The following PHF13 variants were observed in gnomAD, a reference collection of about 807,000 sequenced individuals.
PHF13 encodes PHD zinc finger protein PHF5.
PHF13 carries 1 observed loss-of-function variant against 25.8 expected under a neutral mutation model. The observed-to-expected ratio is 0.04, with a 90% CI of 0.01 to 0.18. The LOEUF is 0.18. Among genes scored for constraint, PHF13 ranks in the 10% least tolerant of loss-of-function variants. The pLI is 1.00. For synonymous variants in PHF13, 195 were observed against 162.4 expected (o/e 1.20, Z -1.53); for missense variants, 306 against 403.2 (o/e 0.76, Z 2.06).
chr1:6,619,894 C>T lies in PHF13; in HGVS notation c.233C>T (p.Ala78Val), dbSNP rs114858108. Residue 78 changes from alanine (A) to valine (V), a missense_variant, in exon 3 of 4, where the codon GCG becomes GTG. Transcript: ENST00000377648. The stretch of plus-strand genomic sequence containing the variant: ...TGGGACGCGGGTTTCTCAGACATCG[C>T]GTCCTCAGTGCCCTTGCCAGTCTCT... ...DGWDAGFSDI[A>V]SSVPLPVSDR... 8.4e-5 allele frequency: 135 copies of T among 1,613,954 alleles called. No individual in the cohort carries two copies. The highest frequency in any genetic ancestry group is 1.1e-4 in the Non-Finnish European group (129 of 1,180,038).
Position 6,621,853 on chromosome 1 carries a change from G to A in PHF13, c.*216G>A, listed in dbSNP as rs986110240. ...CAGCCAGAGCTGCTGCCAGAGCTGC[G>A]TTCCCTGCAGTGGAGGTGGACTGGA... On this transcript the variant is annotated 3_prime_UTR_variant, in exon 4 of 4. Transcript: ENST00000377648. The surrounding 1 kb of genome is among the most constrained non-coding windows in gnomAD (Gnocchi z 4.8). 55 of 596,784 alleles carry A rather than the reference G, an allele frequency of 9.2e-5. No homozygotes were observed. Among genetic ancestry groups the A allele is most frequent in the African/African-American group, 3.7e-5 (2 of 53,816 alleles). The allele number at this position is 596,784 out of a possible 1,614,324, so 37.0% of individuals were successfully genotyped here. A position where few individuals can be genotyped will look rare whatever the true frequency, so the allele number is the denominator to read the frequency against.
At position 6,621,430 on chromosome 1, in the gene PHF13, C is replaced by G. The variant is rs755788142; in HGVS notation, c.696C>G (p.Leu232=). 4.3e-6 allele frequency: 7 copies of G among 1,613,958 alleles called. No individual in the cohort carries two copies. The highest frequency in any genetic ancestry group is 2.7e-5 in the African/African-American group (2 of 74,890). ...TTCCAGATGACGATTCCTGGGACCTCGTGACCTGCTTCTGCATGAAGCCAT... is the reference window on the plus strand; with the variant it reads ...TTCCAGATGACGATTCCTGGGACCTGGTGACCTGCTTCTGCATGAAGCCAT... ...MVDSDDDSWD[L]VTCFCMKPFA... The change falls in exon 4 of 4, where the codon CTC becomes CTG. Residue 232 remains leucine (L), a synonymous_variant. Coordinates refer to ENST00000377648, the MANE Select transcript of PHF13 (RefSeq NM_153812.3). The surrounding 1 kb of genome is among the most constrained non-coding windows in gnomAD (Gnocchi z 4.8).
At chr1:6,615,707 A>G (rs1488424766) in intron 1 of PHF13, among the ~76,000 whole-genome samples, 1 of 152,224 alleles carries the variant, frequency 6.6e-6, no homozygotes, top group Non-Finnish European at 1.5e-5. Context: ...TTAGGAGCAA[A>G]TAAGAGCTCC....
Position 6,616,025 on chromosome 1 carries a change from A to ATTTTTT in PHF13, c.40-716_40-711dup, listed in dbSNP as rs5772244. ...GAGAGCTCTGGAGAATGAGTGGTTGATTTTTTTTTTTTTTTTTTTTTGAGT... is the reference window on the plus strand; with the variant it reads ...GAGAGCTCTGGAGAATGAGTGGTTGATTTTTTTTTTTTTTTTTTTTTTTTTTTGAGT... On this transcript the variant is annotated intron_variant, in intron 1 of 3. Transcript: ENST00000377648. Among the ~76,000 whole-genome samples, 195 of 91,748 alleles carry ATTTTTT rather than the reference A, an allele frequency of 2.1e-3. 2 individuals carry two copies. The highest frequency in any genetic ancestry group is 2.9e-3 in the Non-Finnish European group (145 of 49,328). The allele number at this position is 91,748 out of a possible 152,430, so 60.2% of individuals were successfully genotyped here.
Position 6,616,849 on chromosome 1 carries a change from T to C in PHF13, c.132T>C (p.Tyr44=). Residue 44 remains tyrosine (Y), a synonymous_variant, in exon 2 of 4, where the codon TAT becomes TAC. Coordinates refer to ENST00000377648, the MANE Select transcript of PHF13 (RefSeq NM_153812.3). ...FVLAYAGYIP[Y]PKEELPLRSS... is the part of the protein sequence containing the mutation. Reference sequence around the variant, plus strand: ...TGGCCTATGCTGGCTACATCCCTTATCCGAAGGAGGTAATCTTCTGAGTTT... The same window carrying C: ...TGGCCTATGCTGGCTACATCCCTTACCCGAAGGAGGTAATCTTCTGAGTTT... 5.6e-6 allele frequency: 9 copies of C among 1,613,646 alleles called. No homozygotes were observed. The highest frequency in any genetic ancestry group is 7.6e-6 in the Non-Finnish European group (9 of 1,179,560).
chr1:6,619,381 C>T (rs1641305849), intron 2 of PHF13, among the ~76,000 whole-genome samples: 1 of 152,040 alleles, frequency 6.6e-6, no homozygotes, highest in South Asian at 2.1e-4. Context: ...ACAGAATCTC[C>T]CTCCCGTTAC....
chr1:6,620,801 C>T (rs568237306), intron 3 of PHF13, among the ~76,000 whole-genome samples: 8 of 151,588 alleles, frequency 5.3e-5, no homozygotes, highest in Non-Finnish European at 8.8e-5. Context: ...AGGCAGATCA[C>T]GAGGTCAGGA....
rs375859469 is a variant in PHF13 at position 6,619,950 on chromosome 1, C to T, written c.289C>T (p.Leu97Phe). The T allele has an allele frequency of 6.2e-7, 1 of 1,613,946 alleles. No homozygotes were observed. The highest frequency in any genetic ancestry group is 1.7e-5 in the Admixed American group (1 of 60,006). The change falls in exon 3 of 4, where the codon CTC becomes TTC. Residue 97 changes from leucine to phenylalanine, a missense_variant. This residue lies in a region of PHF13 where 186 missense variants were observed against 164.0 expected (regional missense o/e 1.13). Coordinates refer to ENST00000377648, the MANE Select transcript of PHF13 (RefSeq NM_153812.3). The part of the protein sequence containing the change: ...DRCFSHLQPT[L>F]LQRAKPSNFL... ...CTGCTTTAGCCACCTGCAGCCTACTCTCTTGCAGCGAGCCAAGCCCAGTAA... is the reference window on the plus strand; with the variant it reads ...CTGCTTTAGCCACCTGCAGCCTACTTTCTTGCAGCGAGCCAAGCCCAGTAA...
chr1:6,617,331 C>T (rs1391578794), intron 2 of PHF13, among the ~76,000 whole-genome samples: 1 of 152,126 alleles, frequency 6.6e-6, no homozygotes, highest in Non-Finnish European at 1.5e-5. Flanking sequence ...GGTGATTCAC[C>T]TGCCTCGGCC....
rs1362903548 is a variant in PHF13, at chr1:6,622,067, C to G, written c.*430C>G. The G allele has an allele frequency of 4.2e-6, 1 of 239,044 alleles. No homozygotes were observed. Among genetic ancestry groups the G allele is most frequent in the Non-Finnish European group, 8.4e-6 (1 of 118,476 alleles). The allele number at this position is 239,044 out of a possible 1,614,324, so 14.8% of individuals were successfully genotyped here. A position where few individuals can be genotyped will look rare whatever the true frequency, so the allele number is the denominator to read the frequency against. ...GAACAGCCATACGTGTAAGCTTTTT[C>G]TTGAGTGTTAAGTCTTTTACCAAAA... On this transcript the variant is annotated 3_prime_UTR_variant, in exon 4 of 4. Transcript: ENST00000377648.
chr1:6,614,296 G>GCCTCCGCGTCC (rs1457326864), intron 1 of PHF13, among the ~76,000 whole-genome samples, 191 bp downstream of exon 1: 3 of 132,238 alleles, frequency 2.3e-5, no homozygotes, highest in East Asian at 2.4e-4. Flanking sequence ...GCCGGGCCTC[G>GCCTCCGCGTCC]CCTCCGCGTC....
rs1054890974 is a variant in PHF13, at chr1:6,616,679, G to A, written c.40-78G>A. On this transcript the variant is annotated intron_variant, in intron 1 of 3. Coordinates refer to ENST00000377648, the MANE Select transcript of PHF13 (RefSeq NM_153812.3). ...TGAGTGATTGACTACAAAAGTTCCA[G>A]CTTACTTCCTTTTGTTTCTGTGATT... 14 of 1,249,026 alleles carry A rather than the reference G, an allele frequency of 1.1e-5. No homozygotes were observed. In the African/African-American group the frequency reaches 2.1e-4, roughly 19 times the overall value. 77.4% of individuals were successfully genotyped at this position (1,249,026 alleles called of 1,614,324 possible). A position where few individuals can be genotyped will look rare whatever the true frequency, so the allele number is the denominator to read the frequency against.
chr1:6,614,383 C>G (rs1225496632), intron 1 of PHF13: 1 of 444,550 alleles, frequency 2.2e-6, no homozygotes, highest in African/African-American at 2.1e-5. Flanking sequence ...CCGGGCCGCC[C>G]CTCTCCGGCC....
rs747391400 is a variant in PHF13, at chr1:6,619,834, C to G, written c.173C>G (p.Ala58Gly). Residue 58 changes from alanine (A) to glycine (G), a missense_variant, in exon 3 of 4, where the codon GCT becomes GGT. This residue lies in a region of PHF13 where 36 missense variants were observed against 76.0 expected (regional missense o/e 0.47). Coordinates refer to ENST00000377648, the MANE Select transcript of PHF13 (RefSeq NM_153812.3). ...CCTTTAAGGAGCAGCCCCAGCCCTG[C>G]TAACAGCACTGCTGGTACCATTGAC... Reference protein sequence around the residue: ...ELPLRSSPSPANSTAGTIDSD... With the variant: ...ELPLRSSPSPGNSTAGTIDSD... The G allele has an allele frequency of 3.1e-6, 5 of 1,611,398 alleles. No individual in the cohort carries two copies. Among genetic ancestry groups the G allele is most frequent in the Non-Finnish European group, 4.2e-6 (5 of 1,178,936 alleles).
chr1:6,619,593 C>T (rs1023040516), intron 2 of PHF13, among the ~76,000 whole-genome samples: 28 of 152,096 alleles, frequency 1.8e-4, no homozygotes, highest in Admixed American at 7.9e-4. Context: ...CCTGCCTTGG[C>T]GTCCCAGAGT....
intron 1 of PHF13, among the ~76,000 whole-genome samples, chr1:6,614,782 C>T (rs973560166): frequency 6.6e-6 from 1 of 151,430 alleles, no homozygotes; most frequent in Admixed American, 6.6e-5. Context: ...TGGCTCCGCC[C>T]CGGCTCACTC....
chr1:6,616,606 A>T, intron 1 of PHF13, 151 bp from the exon 2 acceptor site: 5 of 651,226 alleles, frequency 7.7e-6, no homozygotes, highest in Admixed American at 4.9e-5. Context: ...TCTTGACCTG[A>T]ACTTACCGTA....
chr1:6,615,751 T>A (rs1641252314), intron 1 of PHF13, among the ~76,000 whole-genome samples: 1 of 152,182 alleles, frequency 6.6e-6, no homozygotes, highest in Non-Finnish European at 1.5e-5. Context: ...GAAAATATCT[T>A]TTTGTGATGG....
chr1:6,621,826 G>C lies in PHF13; in HGVS notation c.*189G>C, dbSNP rs140327489. ...TAGCCGGTGACCGAATGCGACCTTT[G>C]CCAGCCAGAGCTGCTGCCAGAGCTG... On this transcript the variant is annotated 3_prime_UTR_variant, in exon 4 of 4. Transcript: ENST00000377648. The surrounding 1 kb of genome is among the most constrained non-coding windows in gnomAD (Gnocchi z 4.8). 1.3e-3 allele frequency: 813 copies of C among 632,922 alleles called. 3 individuals carry two copies. The African/African-American group carries it at 0.013, about 10-fold the overall frequency. The allele number at this position is 632,922 out of a possible 1,614,324, so 39.2% of individuals were successfully genotyped here.
Sources: gnomAD v4.1 joint callset for allele counts (sites outside exome capture counted in the v4.1 genomes callset) on GRCh38, gnomAD v4.1.1 for gene constraint, gnomAD v4.1.1 regional missense constraint, Gnocchi (gnomAD v3.1) non-coding constraint, MANE v1.5 for transcripts, NCBI Gene and HGNC (gene_info 2026-07-23, HGNC 2026-07-21) for gene names.